The following FSIP1 variants were observed in gnomAD, a reference collection of about 807,000 sequenced individuals.
The protein encoded by FSIP1 is fibrous sheath interacting protein 1.
In FSIP1, 65 loss-of-function variants were observed where a neutral mutation model predicts 60.9. The observed-to-expected ratio is 1.07, with a 90% CI of 0.87 to 1.31. FSIP1 has a LOEUF of 1.31. Among genes scored for constraint, FSIP1 ranks in the 40% most tolerant of loss-of-function variants. FSIP1 has a pLI of 0.00. For missense variants in FSIP1, 675 were observed against 665.5 expected, an observed-to-expected ratio of 1.01 and a Z score of -0.16; for synonymous variants, 209 against 221.2, an observed-to-expected ratio of 0.94 and a Z score of 0.49.
At chr15:39,733,171 C>A (rs2140618617) in intron 8 of FSIP1, among the ~76,000 whole-genome samples, 1 of 152,302 alleles carries the variant, frequency 6.6e-6, no homozygotes, top group East Asian at 1.9e-4. Context: ...GCTGGGATTA[C>A]AGGCATGCAC....
At chr15:39,723,047 C>T (rs28417668) in intron 9 of FSIP1, among the ~76,000 whole-genome samples, 18,192 of 152,074 alleles carry the variant, frequency 0.12, 1,331 homozygotes, top group African/African-American at 0.2. Context: ...CTTATAATAA[C>T]ATAATTGGCT....
At chr15:39,756,639 A>G (rs916457989) in intron 5 of FSIP1, among the ~76,000 whole-genome samples, 1 of 152,122 alleles carries the variant, frequency 6.6e-6, no homozygotes, top group Non-Finnish European at 1.5e-5. Flanking sequence ...CCCAACCTGA[A>G]GCTAACTCTT....
chr15:39,670,155 T>C (rs1190297516), intron 10 of FSIP1, among the ~76,000 whole-genome samples: 1 of 152,196 alleles, frequency 6.6e-6, no homozygotes, highest in African/African-American at 2.4e-5. Context: ...AAATGGTCAT[T>C]CTAAACCCCT....
intron 5 of FSIP1, among the ~76,000 whole-genome samples, chr15:39,760,105 G>A (rs569937183): frequency 6.6e-6 from 1 of 152,170 alleles, no homozygotes; most frequent in East Asian, 1.9e-4. Context: ...TAATCTAAAT[G>A]TTCAATAGAA....
intron 10 of FSIP1, among the ~76,000 whole-genome samples, chr15:39,645,263 A>G (rs1316262190): frequency 6.6e-6 from 1 of 152,234 alleles, no homozygotes; most frequent in African/African-American, 2.4e-5. Context: ...CTACTGATAC[A>G]GTGGCTGCTG....
chr15:39,646,031 T>G (rs1312018156), intron 10 of FSIP1, among the ~76,000 whole-genome samples: 1 of 152,104 alleles, frequency 6.6e-6, no homozygotes, highest in African/African-American at 2.4e-5. Context: ...ATGCACTCTG[T>G]CCTCTCTGAA....
At position 39,635,194 on chromosome 15, in the gene FSIP1, G is replaced by A. The variant is rs138418602; in HGVS notation, c.1189-16949C>T. 1.2e-4 allele frequency among the ~76,000 whole-genome samples: 18 copies of A among 152,206 alleles called. No individual in the cohort carries two copies. The East Asian group carries it at 3.5e-3, about 29-fold the overall frequency. On this transcript the variant is annotated intron_variant, in intron 10 of 11. Coordinates refer to ENST00000350221, the MANE Select transcript of FSIP1 (RefSeq NM_152597.5). ...ACTAAAAATACAAAAATTAGCTGGA[G>A]CATGGTGGTGCATGCCTATAATCCC...
At chr15:39,619,756 T>C (rs1035041100) in intron 10 of FSIP1, among the ~76,000 whole-genome samples, 4 of 152,180 alleles carry the variant, frequency 2.6e-5, no homozygotes, top group African/African-American at 4.8e-5. Flanking sequence ...AAATTACATA[T>C]AATGTGTAGA....
chr15:39,721,991 G>A (rs1307600895), intron 9 of FSIP1, among the ~76,000 whole-genome samples: 2 of 152,112 alleles, frequency 1.3e-5, no homozygotes, highest in Non-Finnish European at 2.9e-5. Context: ...GGCCATGGAC[G>A]GTTCTGGTAG....
At chr15:39,700,589 T>C (rs1200327555) in intron 10 of FSIP1, among the ~76,000 whole-genome samples, 1 of 152,212 alleles carries the variant, frequency 6.6e-6, no homozygotes, top group Admixed American at 6.5e-5. Context: ...AATCAGCCCA[T>C]TGCTTTCCAT....
At chr15:39,771,601 GAAT>G (rs1897889699) in intron 2 of FSIP1, among the ~76,000 whole-genome samples, 1 of 152,160 alleles carries the variant, frequency 6.6e-6, no homozygotes, top group Non-Finnish European at 1.5e-5. Context: ...ATTTATTGAA[GAAT>G]TACTATCAGT....
chr15:39,687,132 TTTTCC>T (rs1437606661), intron 10 of FSIP1, among the ~76,000 whole-genome samples: 18 of 93,964 alleles, frequency 1.9e-4, no homozygotes, highest in African/African-American at 6.3e-4. Context: ...CTTTCTTTTC[TTTTCC>T]TTTTTTTTTT....
chr15:39,630,636 T>C (rs1891844581), intron 10 of FSIP1, among the ~76,000 whole-genome samples: 1 of 152,142 alleles, frequency 6.6e-6, no homozygotes. Context: ...AATTGGAAAA[T>C]CATTCTCCAC....
intron 10 of FSIP1, among the ~76,000 whole-genome samples, chr15:39,694,007 C>T (rs940209930): frequency 4.6e-5 from 7 of 152,060 alleles, no homozygotes; most frequent in Admixed American, 2.6e-4. Context: ...AATCTTTCTA[C>T]AATATATATA....
At chr15:39,719,253 T>C (rs761412240) in intron 9 of FSIP1, among the ~76,000 whole-genome samples, 5 of 152,190 alleles carry the variant, frequency 3.3e-5, no homozygotes, top group Admixed American at 2.0e-4. Context: ...TCAGGAAATA[T>C]CTTGATTTCT....
rs943295897 is a variant in FSIP1, at chr15:39,646,093, C to T, written c.1189-27848G>A. Among the ~76,000 whole-genome samples, 4 of 152,094 alleles carry T rather than the reference C, an allele frequency of 2.6e-5. No homozygotes were observed. In the South Asian group the frequency reaches 6.2e-4, roughly 24 times the overall value. ...GAGCAGGGCAGAGGATGGCTAAGGA[C>T]GAAGAGGGCAGAGAGAATGGGAGCA... On this transcript the variant is annotated intron_variant, in intron 10 of 11. Transcript: ENST00000350221.
intron 10 of FSIP1, among the ~76,000 whole-genome samples, chr15:39,647,628 C>A (rs190239503): frequency 3.3e-4 from 50 of 152,068 alleles, no homozygotes; most frequent in Admixed American, 6.5e-4. Context: ...TTGGTGTTTT[C>A]TAACAGTCTC....
intron 10 of FSIP1, among the ~76,000 whole-genome samples, chr15:39,663,860 T>C (rs542903229): frequency 2.0e-5 from 3 of 152,328 alleles, no homozygotes; most frequent in African/African-American, 7.2e-5. Context: ...CTCTACTTCA[T>C]CGGCAAGAAA....
chr15:39,616,528 G>T (rs563101387), intron 11 of FSIP1, among the ~76,000 whole-genome samples: 1 of 152,270 alleles, frequency 6.6e-6, no homozygotes, highest in Admixed American at 6.5e-5. Flanking sequence ...CATTGAAGGG[G>T]TACCTGAACA....
Sources: gnomAD v4.1 joint callset for allele counts (sites outside exome capture counted in the v4.1 genomes callset) on GRCh38, gnomAD v4.1.1 for gene constraint, MANE v1.5 for transcripts, NCBI Gene and HGNC (gene_info 2026-07-23, HGNC 2026-07-21) for gene names.